PTPN4: variants seen among roughly 807,000 people sequenced by gnomAD.
PTPN4 encodes tyrosine-protein phosphatase non-receptor type 4.
PTPN4 carries 49 observed loss-of-function variants against 135.5 expected under a neutral mutation model. That is an observed-to-expected ratio of 0.36 (90% CI 0.29 to 0.46). The LOEUF is 0.46. PTPN4 is among the 20% of genes least tolerant of loss of function. The pLI is 1.00. For synonymous variants in PTPN4, 333 were observed against 369.9 expected, an observed-to-expected ratio of 0.90 and a Z score of 1.14; for missense variants, 860 against 1,101.0, an observed-to-expected ratio of 0.78 and a Z score of 3.10.
chr2:119,876,903 G>A (rs1437561247), intron 3 of PTPN4, among the ~76,000 whole-genome samples: 1 of 136,512 alleles, frequency 7.3e-6, no homozygotes, highest in Admixed American at 7.0e-5. Context: ...GAGCATGTGT[G>A]TGTGTGTGTG....
At chr2:119,829,989 G>T (rs1353992406) in intron 2 of PTPN4, among the ~76,000 whole-genome samples, 4 of 148,122 alleles carry the variant, frequency 2.7e-5, no homozygotes, top group East Asian at 2.0e-4. Flanking sequence ...TATTTTCCAG[G>T]TTTTTTTTTT....
intron 3 of PTPN4, among the ~76,000 whole-genome samples, chr2:119,872,316 T>G (rs1677924618): frequency 6.6e-6 from 1 of 152,078 alleles, no homozygotes; most frequent in Non-Finnish European, 1.5e-5. Flanking sequence ...TAGTAAGAAA[T>G]AGGATTGATT....
intron 1 of PTPN4, among the ~76,000 whole-genome samples, chr2:119,770,929 G>C (rs1288170636): frequency 6.6e-6 from 1 of 150,974 alleles, no homozygotes; most frequent in Non-Finnish European, 1.5e-5. Context: ...GCTCAGGCTG[G>C]AGTGCAGTGG....
rs1396912078 is a variant in PTPN4, at chr2:119,900,756, A to G, written c.714A>G (p.Ser238=). 7 of 1,588,342 alleles carry G rather than the reference A, an allele frequency of 4.4e-6. No homozygotes were observed. The highest frequency in any genetic ancestry group is 6.0e-6 in the Non-Finnish European group (7 of 1,167,048). ...SNNEIMIGVM[S]GGILIYKNRV... is the part of the protein sequence containing the mutation. The stretch of plus-strand genomic sequence containing the variant: ...ATGAAATTATGATTGGAGTGATGTC[A>G]GGAGGAATTCTGATTTATAAGAACA... Residue 238 remains serine, a synonymous_variant, in exon 10 of 27, where the codon TCA becomes TCG. Coordinates refer to ENST00000263708, the MANE Select transcript of PTPN4 (RefSeq NM_002830.4).
intron 22 of PTPN4, 40 bp downstream of exon 22, chr2:119,957,117 T>TA: frequency 6.5e-7 from 1 of 1,533,508 alleles, no homozygotes; most frequent in South Asian, 1.2e-5. Flanking sequence ...TTTGGAAAAA[T>TA]ACGAGCCACT....
chr2:119,809,815 A>AT lies in PTPN4; in HGVS notation c.-17-22_-17-21insT, dbSNP rs1204592016. ...TATTTTACGAACCTTTTATTTAGTGAATTTTTTTTTTTTTAACTTAGACTT... is the reference window on the plus strand; with the variant it reads ...TATTTTACGAACCTTTTATTTAGTGATATTTTTTTTTTTTTAACTTAGACTT... On this transcript the variant is annotated intron_variant, in intron 1 of 26. Coordinates refer to ENST00000263708, the MANE Select transcript of PTPN4 (RefSeq NM_002830.4). 2.0e-6 allele frequency: 3 copies of AT among 1,514,740 alleles called. No homozygotes were observed. The African/African-American group carries it at 4.3e-5, about 22-fold the overall frequency. The allele number at this position is 1,514,740 out of a possible 1,614,324, so 93.8% of individuals were successfully genotyped here.
intron 2 of PTPN4, among the ~76,000 whole-genome samples, chr2:119,847,748 T>C (rs1677527040): frequency 6.6e-6 from 1 of 152,232 alleles, no homozygotes; most frequent in East Asian, 1.9e-4. Flanking sequence ...TTGGTATTTC[T>C]TGTAAGGTGG....
chr2:119,951,156 A>G (rs576988325), intron 18 of PTPN4, among the ~76,000 whole-genome samples: 1 of 152,360 alleles, frequency 6.6e-6, no homozygotes, highest in Non-Finnish European at 1.5e-5. Context: ...GCAAATTGTC[A>G]TAATACTGTC....
intron 26 of PTPN4, among the ~76,000 whole-genome samples, chr2:119,972,886 C>T (rs1679556878): frequency 6.6e-6 from 1 of 152,004 alleles, no homozygotes; most frequent in African/African-American, 2.4e-5. Flanking sequence ...CCTTGCATTC[C>T]TGAGATAAAT....
intron 12 of PTPN4, among the ~76,000 whole-genome samples, chr2:119,925,708 G>A (rs1558766028): frequency 6.6e-6 from 1 of 152,118 alleles, no homozygotes; most frequent in African/African-American, 2.4e-5. Context: ...TGGAACTGTT[G>A]TCATACTTAA....
intron 1 of PTPN4, among the ~76,000 whole-genome samples, chr2:119,782,430 GA>G (rs200162890): frequency 3.3e-5 from 5 of 150,698 alleles, no homozygotes; most frequent in East Asian, 1.9e-4. Context: ...AAAACGAAAA[GA>G]AAAAAAAATT....
chr2:119,852,119 C>T lies in PTPN4; in HGVS notation c.139-10417C>T, dbSNP rs568951873. Among the ~76,000 whole-genome samples the T allele has an allele frequency of 6.5e-4, 99 of 152,264 alleles. 1 individual carries two copies. Among genetic ancestry groups the T allele is most frequent in the Non-Finnish European group, 1.1e-3 (78 of 68,018 alleles). ...TGTTTTTGGAGTGTGTAGTTACATC[C>T]TCAGCTTTGTTGGGACAACTAAATT... On this transcript the variant is annotated intron_variant, in intron 2 of 26. Coordinates refer to ENST00000263708, the MANE Select transcript of PTPN4 (RefSeq NM_002830.4).
At chr2:119,940,226 G>C (rs1278103276) in intron 15 of PTPN4, among the ~76,000 whole-genome samples, 1 of 152,136 alleles carries the variant, frequency 6.6e-6, no homozygotes, top group African/African-American at 2.4e-5. Flanking sequence ...AGTGCCTTGT[G>C]CGTTAATTGG....
intron 1 of PTPN4, among the ~76,000 whole-genome samples, chr2:119,804,443 C>A: frequency 6.6e-6 from 1 of 151,948 alleles, no homozygotes; most frequent in South Asian, 2.1e-4. Flanking sequence ...CTCCACCCAA[C>A]GACAGGCCCC....
At chr2:119,939,173 T>G (rs1679027564) in intron 15 of PTPN4, among the ~76,000 whole-genome samples, 2 of 152,242 alleles carry the variant, frequency 1.3e-5, no homozygotes, top group South Asian at 4.1e-4. Flanking sequence ...ATCAACAGTT[T>G]GTCTGGATAT....
chr2:119,936,633 C>T (rs888177651), intron 15 of PTPN4, among the ~76,000 whole-genome samples: 5 of 152,282 alleles, frequency 3.3e-5, no homozygotes, highest in African/African-American at 1.2e-4. Flanking sequence ...GTCAATTAAA[C>T]CTCTTTTGTT....
At chr2:119,973,733 G>A (rs993453368) in intron 26 of PTPN4, among the ~76,000 whole-genome samples, 1 of 126,018 alleles carries the variant, frequency 7.9e-6, no homozygotes. Context: ...ATTTCTGACG[G>A]CGTGAATTTT....
intron 11 of PTPN4, among the ~76,000 whole-genome samples, chr2:119,917,852 T>C (rs1363759231): frequency 1.3e-5 from 2 of 152,234 alleles, no homozygotes; most frequent in East Asian, 3.8e-4. Context: ...TCATACGATA[T>C]ACTTATCTCT....
At chr2:119,877,618 A>C in intron 5 of PTPN4, 76 bp downstream of exon 5, 1 of 1,490,572 alleles carries the variant, frequency 6.7e-7, no homozygotes, top group Non-Finnish European at 9.0e-7. Context: ...ATTAGGCAAA[A>C]AGAAATTACT....
Sources: gnomAD v4.1 joint callset for allele counts (sites outside exome capture counted in the v4.1 genomes callset) on GRCh38, gnomAD v4.1.1 for gene constraint, MANE v1.5 for transcripts, NCBI Gene and HGNC (gene_info 2026-07-23, HGNC 2026-07-21) for gene names.